Variants in GRIN2A observed in about 807,000 individuals in gnomAD.
GRIN2A encodes the protein glutamate ionotropic receptor NMDA type subunit 2A.
Under a neutral mutation model 113.4 loss-of-function variants are expected in GRIN2A, and 22 were observed. The observed-to-expected ratio is 0.19, with a 90% CI of 0.14 to 0.28. GRIN2A has a LOEUF of 0.28. GRIN2A is among the 10% of genes least tolerant of loss of function. GRIN2A has a pLI of 1.00. For missense variants in GRIN2A, 1,502 were observed against 1,887.0 expected (o/e 0.80, Z 3.78); for synonymous variants, 827 against 738.4 (o/e 1.12, Z -1.94).
intron 10 of GRIN2A, among the ~76,000 whole-genome samples, chr16:9,808,424 G>A (rs889494149): frequency 3.9e-5 from 6 of 152,294 alleles, no homozygotes; most frequent in Non-Finnish European, 2.9e-5. Flanking sequence ...TGTCACACAG[G>A]AGGACTGAAA....
intron 7 of GRIN2A, among the ~76,000 whole-genome samples, chr16:9,838,705 A>G (rs1320416750): frequency 6.6e-6 from 1 of 152,202 alleles, no homozygotes; most frequent in Non-Finnish European, 1.5e-5. Flanking sequence ...TACATTCCAC[A>G]GTGTCAAGAC....
At chr16:9,898,003 A>T (rs186991710) in intron 3 of GRIN2A, among the ~76,000 whole-genome samples, 294 of 150,626 alleles carry the variant, frequency 2.0e-3, no homozygotes, top group African/African-American at 6.9e-3. Context: ...ACAGTGAGAC[A>T]GTACCTGGCA....
intron 2 of GRIN2A, among the ~76,000 whole-genome samples, chr16:10,028,386 C>T (rs1199204286): frequency 2.6e-5 from 4 of 152,172 alleles, no homozygotes; most frequent in East Asian, 1.9e-4. Flanking sequence ...GTGGCACTGT[C>T]GCTGGGAGGC....
intron 2 of GRIN2A, among the ~76,000 whole-genome samples, chr16:10,147,413 AGGCT>A (rs1436974036): frequency 6.9e-6 from 1 of 144,558 alleles, no homozygotes; most frequent in African/African-American, 2.6e-5. Flanking sequence ...GTTCGAGACC[AGGCT>A]TGGGCAACAT....
At chr16:10,042,646 C>T (rs1260784699) in intron 2 of GRIN2A, among the ~76,000 whole-genome samples, 2 of 152,152 alleles carry the variant, frequency 1.3e-5, no homozygotes, top group East Asian at 1.9e-4. Flanking sequence ...TTGTTATGCA[C>T]CAATAGCTAA....
chr16:10,081,391 T>C (rs1309053777), intron 2 of GRIN2A, among the ~76,000 whole-genome samples: 1 of 152,198 alleles, frequency 6.6e-6, no homozygotes, highest in African/African-American at 2.4e-5. Context: ...CAGAAAGTTG[T>C]TCCAAGTGAA....
intron 2 of GRIN2A, among the ~76,000 whole-genome samples, chr16:10,018,848 A>G (rs951572068): frequency 3.9e-5 from 6 of 152,186 alleles, no homozygotes; most frequent in South Asian, 2.1e-4. Context: ...CCTCATTGTC[A>G]TAAGCAAGAA....
intron 4 of GRIN2A, among the ~76,000 whole-genome samples, chr16:9,868,414 G>A (rs967462174): frequency 6.6e-6 from 1 of 152,032 alleles, no homozygotes; most frequent in Non-Finnish European, 1.5e-5. Flanking sequence ...TTACAAGTGC[G>A]CACTACCACA....
chr16:10,118,506 T>C (rs1194218001), intron 2 of GRIN2A, among the ~76,000 whole-genome samples: 1 of 152,196 alleles, frequency 6.6e-6, no homozygotes, highest in Non-Finnish European at 1.5e-5. Context: ...CTGTGAACAA[T>C]ATTTCTCATC....
chr16:9,834,008 T>C (rs2141324875), intron 8 of GRIN2A, 97 bp downstream of exon 8: 1 of 1,220,272 alleles, frequency 8.2e-7, no homozygotes, highest in Non-Finnish European at 1.2e-6. Flanking sequence ...TGAGCCACCA[T>C]GCCTGGTCTA....
intron 3 of GRIN2A, among the ~76,000 whole-genome samples, chr16:9,899,995 G>A (rs375599507): frequency 6.6e-6 from 1 of 152,168 alleles, no homozygotes; most frequent in African/African-American, 2.4e-5. Context: ...GGTCATAACA[G>A]CCATGTCACT....
chr16:10,120,865 A>C (rs2048819154), intron 2 of GRIN2A, among the ~76,000 whole-genome samples: 5 of 145,142 alleles, frequency 3.4e-5, no homozygotes, highest in South Asian at 2.2e-4. Flanking sequence ...CCCTATTTCC[A>C]CTCCCCTCCA....
At chr16:9,937,726 A>G in intron 3 of GRIN2A, 1 of 557,568 alleles carries the variant, frequency 1.8e-6, no homozygotes, top group Non-Finnish European at 3.2e-6. Context: ...GGTTTCCAAG[A>G]TATATTGTTG....
At chr16:9,983,484 G>A (rs2045927705) in intron 2 of GRIN2A, among the ~76,000 whole-genome samples, 1 of 149,430 alleles carries the variant, frequency 6.7e-6, no homozygotes, top group Admixed American at 6.7e-5. Context: ...TTGTCACCCA[G>A]GCTGGAGTGC....
At chr16:10,055,327 A>G (rs1172675700) in intron 2 of GRIN2A, among the ~76,000 whole-genome samples, 8 of 152,132 alleles carry the variant, frequency 5.3e-5, no homozygotes, top group Non-Finnish European at 2.9e-5. Context: ...AATAAATGTG[A>G]CAAAAATATT....
intron 7 of GRIN2A, among the ~76,000 whole-genome samples, chr16:9,835,068 C>A (rs377454175): frequency 6.6e-6 from 1 of 152,080 alleles, no homozygotes; most frequent in African/African-American, 2.4e-5. Flanking sequence ...ATTATAAAAT[C>A]ATGGGTGACA....
intron 3 of GRIN2A, among the ~76,000 whole-genome samples, chr16:9,930,507 G>A (rs896597924): frequency 6.6e-6 from 1 of 152,176 alleles, no homozygotes; most frequent in East Asian, 1.9e-4. Context: ...AGACTCAGCT[G>A]TTTTTCCCAC....
intron 2 of GRIN2A, among the ~76,000 whole-genome samples, chr16:10,127,927 C>G (rs2048979313): frequency 6.6e-6 from 1 of 151,906 alleles, no homozygotes. Context: ...TTGGGTCACA[C>G]CAGAGAGTCT....
At chr16:9,817,433 T>C (rs2042206079) in intron 10 of GRIN2A, among the ~76,000 whole-genome samples, 2 of 152,214 alleles carry the variant, frequency 1.3e-5, no homozygotes, top group African/African-American at 2.4e-5. Flanking sequence ...AGTTGGTCCA[T>C]TGGCCAGGCT....
Sources: gnomAD v4.1 joint callset for allele counts (sites outside exome capture counted in the v4.1 genomes callset) on GRCh38, gnomAD v4.1.1 for gene constraint, MANE v1.5 for transcripts, NCBI Gene and HGNC (gene_info 2026-07-23, HGNC 2026-07-21) for gene names.